Variants in DDAH1 observed in about 807,000 individuals in gnomAD.
The protein encoded by DDAH1 is N(G),N(G)-dimethylarginine dimethylaminohydrolase 1.
A neutral mutation model predicts 28.8 loss-of-function variants in DDAH1; 19 were observed. The observed-to-expected ratio is 0.66, with a 90% CI of 0.46 to 0.97. The LOEUF is 0.97. Ranked by LOEUF, DDAH1 falls within the 50% of genes least tolerant of loss-of-function variation. The pLI, the probability that DDAH1 is intolerant of heterozygous loss-of-function variation, is 0.00. For missense variants in DDAH1, 326 were observed against 375.9 expected, an observed-to-expected ratio of 0.87 and a Z score of 1.10; for synonymous variants, 153 against 154.4, an observed-to-expected ratio of 0.99 and a Z score of 0.07.
rs571382688 is a variant in DDAH1 at position 85,320,696 on chromosome 1, T to A, written c.*756A>T. 3.0e-4 allele frequency: 46 copies of A among 152,374 alleles called. No individual in the cohort carries two copies. Among genetic ancestry groups the A allele is most frequent in the African/African-American group, 1.0e-3 (43 of 41,584 alleles). The allele number at this position is 152,374 out of a possible 1,614,324, so 9.4% of individuals were successfully genotyped here. ...ATTTACCTTCCTAGGTGTGGTGCCC[T>A]CCTTCTGGAATTTAGATCTCTGGGG... is the stretch of plus-strand genomic sequence containing the variant. On this transcript the variant is annotated 3_prime_UTR_variant, in exon 6 of 6. Coordinates refer to ENST00000284031, the MANE Select transcript of DDAH1 (RefSeq NM_012137.4).
chr1:85,403,283 A>G lies in DDAH1; in HGVS notation c.304-44436T>C, dbSNP rs146091634. Among the ~76,000 whole-genome samples the G allele has an allele frequency of 4.7e-3, 721 of 152,076 alleles. 3 individuals carry two copies. Among genetic ancestry groups the G allele is most frequent in the Non-Finnish European group, 7.8e-3 (527 of 67,980 alleles). On this transcript the variant is annotated intron_variant, in intron 1 of 5. Coordinates refer to ENST00000284031, the MANE Select transcript of DDAH1 (RefSeq NM_012137.4). ...CATGTACACATATATACATATACAT[A>G]TATGTGTATGTATATATATGTATGT...
At chr1:85,536,501 C>T (rs1403407269) in intron 1 of DDAH1, among the ~76,000 whole-genome samples, 4 of 152,032 alleles carry the variant, frequency 2.6e-5, no homozygotes, top group African/African-American at 4.8e-5. Flanking sequence ...TGCAGTGAGC[C>T]GAGATCACGC....
chr1:85,383,768 C>T (rs1029291755), intron 1 of DDAH1, among the ~76,000 whole-genome samples: 25 of 152,190 alleles, frequency 1.6e-4, no homozygotes, highest in African/African-American at 6.0e-4. Context: ...AGACGAGACC[C>T]TCCCCAAGAA....
At chr1:85,348,902 C>T (rs543581980) in intron 4 of DDAH1, among the ~76,000 whole-genome samples, 18 of 152,300 alleles carry the variant, frequency 1.2e-4, no homozygotes, top group Admixed American at 7.2e-4. Context: ...GCCACTTTTT[C>T]TAGTTGGTCC....
At chr1:85,516,917 A>G (rs1463076179) in intron 1 of DDAH1, among the ~76,000 whole-genome samples, 1 of 152,208 alleles carries the variant, frequency 6.6e-6, no homozygotes, top group African/African-American at 2.4e-5. Context: ...AATAACTTGA[A>G]ATGCCAAGGA....
chr1:85,461,395 T>C (rs1655121457), intron 1 of DDAH1, among the ~76,000 whole-genome samples: 1 of 152,220 alleles, frequency 6.6e-6, no homozygotes, highest in African/African-American at 2.4e-5. Flanking sequence ...ACAGGAATAC[T>C]TTCTTGAATT....
intron 1 of DDAH1, chr1:85,398,598 A>G (rs909314429): frequency 6.6e-6 from 1 of 152,216 alleles, no homozygotes; most frequent in Non-Finnish European, 1.5e-5. Context: ...CGTGCCATAC[A>G]GAGAGTTCAC....
At chr1:85,416,261 T>C (rs183569166) in intron 1 of DDAH1, among the ~76,000 whole-genome samples, 3 of 135,398 alleles carry the variant, frequency 2.2e-5, no homozygotes, top group African/African-American at 7.7e-5. Context: ...TTTTTTTGGG[T>C]TTTTTTTTGA....
intron 1 of DDAH1, among the ~76,000 whole-genome samples, chr1:85,382,422 G>A (rs1651040869): frequency 6.6e-6 from 1 of 152,154 alleles, no homozygotes; most frequent in Admixed American, 6.5e-5. Context: ...GAAGTTTAAA[G>A]GTAGCAGAGG....
chr1:85,575,329 C>T (rs992926576), intron 1 of DDAH1, among the ~76,000 whole-genome samples: 1 of 152,208 alleles, frequency 6.6e-6, no homozygotes, highest in African/African-American at 2.4e-5. Context: ...GTAAGTGATG[C>T]TGAAACCTTT....
At chr1:85,415,824 G>T (rs1033930921) in intron 1 of DDAH1, among the ~76,000 whole-genome samples, 5 of 152,148 alleles carry the variant, frequency 3.3e-5, no homozygotes, top group Admixed American at 6.5e-5. Context: ...TTAAATCTGT[G>T]TAATAAGTAT....
intron 2 of DDAH1, among the ~76,000 whole-genome samples, chr1:85,484,636 G>A (rs1483881814): frequency 6.6e-6 from 1 of 152,104 alleles, no homozygotes; most frequent in Non-Finnish European, 1.5e-5. Flanking sequence ...GATAGAAAAA[G>A]GAATTTCTCC....
At chr1:85,432,250 G>A (rs1296472206) in intron 1 of DDAH1, among the ~76,000 whole-genome samples, 1 of 152,142 alleles carries the variant, frequency 6.6e-6, no homozygotes, top group Non-Finnish European at 1.5e-5. Flanking sequence ...CTCCTTCAAA[G>A]TGTGGCCTCT....
chr1:85,428,523 G>C (rs1225322127), intron 1 of DDAH1, among the ~76,000 whole-genome samples: 1 of 152,102 alleles, frequency 6.6e-6, no homozygotes, highest in Non-Finnish European at 1.5e-5. Flanking sequence ...GGAATTATGG[G>C]AGCTACAAAT....
At chr1:85,539,385 G>A (rs1658399820) in intron 1 of DDAH1, among the ~76,000 whole-genome samples, 1 of 152,208 alleles carries the variant, frequency 6.6e-6, no homozygotes, top group African/African-American at 2.4e-5. Flanking sequence ...GAGCTCAGGT[G>A]ATCCGCCTTT....
rs149648264 is a variant in DDAH1 at position 85,320,735 on chromosome 1, G to A, written c.*717C>T. ...AGATCTCTGGGGCAAACCCTGTCAGGATGTGCCTCTGTGTAGTTAACACTG... is the reference window on the plus strand; with the variant it reads ...AGATCTCTGGGGCAAACCCTGTCAGAATGTGCCTCTGTGTAGTTAACACTG... On this transcript the variant is annotated 3_prime_UTR_variant, in exon 6 of 6. Transcript: ENST00000284031. 6.6e-6 allele frequency: 1 copy of A among 152,192 alleles called. No homozygotes were observed. Among genetic ancestry groups the A allele is most frequent in the Non-Finnish European group, 1.5e-5 (1 of 68,066 alleles). The allele number at this position is 152,192 out of a possible 1,614,324, so 9.4% of individuals were successfully genotyped here.
intron 1 of DDAH1, among the ~76,000 whole-genome samples, chr1:85,568,321 T>A (rs918557610): frequency 6.6e-6 from 1 of 152,158 alleles, no homozygotes; most frequent in Non-Finnish European, 1.5e-5. Context: ...ACAGATGGCA[T>A]ATCATGAACG....
chr1:85,330,037 C>T (rs1647665774), intron 4 of DDAH1, among the ~76,000 whole-genome samples: 1 of 152,188 alleles, frequency 6.6e-6, no homozygotes, highest in Non-Finnish European at 1.5e-5. Context: ...ATTTTCCTTT[C>T]TCTTGTATGT....
chr1:85,411,933 C>T (rs929746724), intron 1 of DDAH1, among the ~76,000 whole-genome samples: 2 of 152,140 alleles, frequency 1.3e-5, no homozygotes, highest in Admixed American at 1.3e-4. Context: ...AAAAGCAGAA[C>T]CTCCAATCTA....
Sources: allele counts gnomAD v4.1 joint callset (sites outside exome capture counted in the v4.1 genomes callset), GRCh38; gene constraint gnomAD v4.1.1; transcripts MANE v1.5; gene names NCBI Gene and HGNC (gene_info 2026-07-23, HGNC 2026-07-21).